The following EPB41 variants were observed in gnomAD, a reference collection of about 807,000 sequenced individuals.
The protein encoded by EPB41 is protein 4.1.
EPB41 carries 65 observed loss-of-function variants against 108.0 expected under a neutral mutation model. That is an observed-to-expected ratio of 0.60 (90% confidence interval 0.49 to 0.74). The LOEUF is 0.74. Among genes scored for constraint, EPB41 ranks in the 30% least tolerant of loss-of-function variants. The pLI is 0.00. For synonymous variants in EPB41, 336 were observed against 358.9 expected (o/e 0.94, Z 0.72); for missense variants, 875 against 1,037.0 (o/e 0.84, Z 2.15).
intron 16 of EPB41, chr1:29,069,084 T>A: frequency 9.4e-7 from 1 of 1,058,246 alleles, no homozygotes. Flanking sequence ...TATGTTGTCT[T>A]TCTTCTCCCA....
At chr1:29,109,697 C>T (rs1002076665) in intron 18 of EPB41, 1 of 503,908 alleles carries the variant, frequency 2.0e-6, no homozygotes, top group Non-Finnish European at 3.6e-6. Flanking sequence ...ACATCTGTCT[C>T]TCTGGTCAGT....
chr1:28,976,738 T>A (rs1260030349), intron 1 of EPB41, among the ~76,000 whole-genome samples: 2 of 152,190 alleles, frequency 1.3e-5, no homozygotes, highest in East Asian at 3.8e-4. Context: ...CTGGAATTCT[T>A]ACTAGTTTCT....
At chr1:28,955,885 CTT>C (rs1372378691) in intron 1 of EPB41, among the ~76,000 whole-genome samples, 1 of 152,138 alleles carries the variant, frequency 6.6e-6, no homozygotes, top group Non-Finnish European at 1.5e-5. Flanking sequence ...AAAACAATGA[CTT>C]TTCAGAAAAA....
intron 4 of EPB41, among the ~76,000 whole-genome samples, chr1:29,000,453 A>G (rs2096273706): frequency 1.3e-5 from 2 of 152,242 alleles, no homozygotes; most frequent in Non-Finnish European, 2.9e-5. Flanking sequence ...GTTCACCTAT[A>G]TATTTATGTG....
At chr1:29,004,856 A>G (rs1256877567) in intron 4 of EPB41, among the ~76,000 whole-genome samples, 2 of 152,208 alleles carry the variant, frequency 1.3e-5, no homozygotes, top group African/African-American at 4.8e-5. Context: ...TCCTTGAGTT[A>G]AGACAGATAG....
intron 1 of EPB41, among the ~76,000 whole-genome samples, chr1:28,923,815 GT>G (rs2093286105): frequency 6.6e-6 from 1 of 152,092 alleles, no homozygotes; most frequent in Admixed American, 6.5e-5. Context: ...TAAAGGGCAA[GT>G]TTTTTTGTTT....
At chr1:29,023,435 C>T (rs2096672448) in intron 7 of EPB41, among the ~76,000 whole-genome samples, 1 of 151,832 alleles carries the variant, frequency 6.6e-6, no homozygotes, top group Admixed American at 6.6e-5. Context: ...TGCCTGTAAT[C>T]CCAGCACTTT....
chr1:29,012,510 T>C (rs1474870941), intron 5 of EPB41, among the ~76,000 whole-genome samples: 1 of 152,164 alleles, frequency 6.6e-6, no homozygotes, highest in Non-Finnish European at 1.5e-5. Flanking sequence ...CTTTACACCC[T>C]GATCAGACTG....
upstream of EPB41, among the ~76,000 whole-genome samples, chr1:28,912,208 ACAGTCC>A (rs1221634099): frequency 1.3e-5 from 2 of 152,204 alleles, no homozygotes; most frequent in Non-Finnish European, 2.9e-5. Context: ...GAATACAGAT[ACAGTCC>A]CTGCCTTCCT....
chr1:28,940,601 G>A (rs1273630777), intron 1 of EPB41, among the ~76,000 whole-genome samples: 1 of 152,086 alleles, frequency 6.6e-6, no homozygotes, highest in South Asian at 2.1e-4. Flanking sequence ...GCAGTGAGTC[G>A]AGATCGCGCC....
chr1:29,098,557 C>T (rs1277310188), intron 17 of EPB41, among the ~76,000 whole-genome samples: 2 of 152,070 alleles, frequency 1.3e-5, no homozygotes, highest in Non-Finnish European at 2.9e-5. Context: ...AATTCATTTG[C>T]ATAAGGCAGT....
At chr1:29,074,410 A>C (rs928103629) in intron 16 of EPB41, among the ~76,000 whole-genome samples, 3 of 152,296 alleles carry the variant, frequency 2.0e-5, no homozygotes, top group Middle Eastern at 3.4e-3. Context: ...ACTTCTTATT[A>C]ATCTGTTTTG....
intron 1 of EPB41, among the ~76,000 whole-genome samples, chr1:28,939,193 A>AT (rs1259362759): frequency 1.3e-5 from 2 of 151,968 alleles, no homozygotes; most frequent in Non-Finnish European, 2.9e-5. Flanking sequence ...TTGTTAAGTG[A>AT]TTTTTTATCA....
chr1:28,944,962 G>A (rs2094441777), intron 1 of EPB41, among the ~76,000 whole-genome samples: 1 of 151,756 alleles, frequency 6.6e-6, no homozygotes, highest in Non-Finnish European at 1.5e-5. Flanking sequence ...ATGGTGGTGT[G>A]CGCCTGTAGT....
intron 16 of EPB41, among the ~76,000 whole-genome samples, chr1:29,083,310 T>C (rs1657490553): frequency 6.6e-6 from 1 of 152,234 alleles, no homozygotes; most frequent in Non-Finnish European, 1.5e-5. Context: ...AGCCCATGGT[T>C]ACTCTGTTGT....
At chr1:29,112,252 CA>C in intron 18 of EPB41, 115 bp from the exon 19 acceptor site, 3 of 830,730 alleles carry the variant, frequency 3.6e-6, no homozygotes, top group Admixed American at 4.1e-5. Flanking sequence ...CCTCCTATCT[CA>C]GCCTCCCAAA....
At chr1:29,003,262 T>G (rs1276992035) in intron 4 of EPB41, among the ~76,000 whole-genome samples, 2 of 152,190 alleles carry the variant, frequency 1.3e-5, no homozygotes, top group African/African-American at 4.8e-5. Flanking sequence ...ATACAGAAGG[T>G]AATAGAGCTA....
upstream of EPB41, chr1:28,911,036 GTC>G (rs1276354237): frequency 1.0e-6 from 1 of 985,286 alleles, no homozygotes; most frequent in African/African-American, 1.7e-5. Context: ...CCTGATGGCA[GTC>G]TCTGCAGGGT....
intron 1 of EPB41, among the ~76,000 whole-genome samples, chr1:28,915,838 A>G (rs1322476949): frequency 7.4e-6 from 1 of 135,370 alleles, no homozygotes; most frequent in African/African-American, 2.8e-5. Flanking sequence ...TGTGTCTTGG[A>G]TATTATTATA....
Sources: gnomAD v4.1 joint callset for allele counts (sites outside exome capture counted in the v4.1 genomes callset) on GRCh38, gnomAD v4.1.1 for gene constraint, MANE v1.5 for transcripts, NCBI Gene and HGNC (gene_info 2026-07-23, HGNC 2026-07-21) for gene names.